The following IQUB variants were observed in gnomAD, a reference collection of about 807,000 sequenced individuals.
IQUB encodes the protein IQ motif and ubiquitin-like domain-containing protein.
IQUB carries 86 observed loss-of-function variants against 86.4 expected under a neutral mutation model. The observed-to-expected ratio is 1.00, with a 90% CI of 0.84 to 1.19. The LOEUF is 1.19. Ranked by LOEUF, IQUB falls within the 50% of genes most tolerant of loss-of-function variation. The pLI is 0.00. For synonymous variants in IQUB, 289 were observed against 304.5 expected (o/e 0.95, Z 0.53); for missense variants, 946 against 916.9 (o/e 1.03, Z -0.41).
chr7:123,453,325 T>TAAAAA (rs1313478236), intron 12 of IQUB, among the ~76,000 whole-genome samples: 23 of 143,646 alleles, frequency 1.6e-4, no homozygotes, highest in Non-Finnish European at 2.1e-4. Context: ...AAAACAAAAA[T>TAAAAA]AAAAACAAAA....
intron 10 of IQUB, among the ~76,000 whole-genome samples, chr7:123,464,013 A>AAAT (rs1794127763): frequency 6.6e-6 from 1 of 151,754 alleles, no homozygotes; most frequent in African/African-American, 2.4e-5. Context: ...AAAAATATAA[A>AAAT]AATTAAACAA....
intron 2 of IQUB, among the ~76,000 whole-genome samples, chr7:123,510,296 A>T (rs901513168): frequency 2.0e-5 from 3 of 152,122 alleles, no homozygotes; most frequent in African/African-American, 7.2e-5. Context: ...CCTGGTATGT[A>T]TCATTCAGAT....
At chr7:123,469,157 T>G in intron 9 of IQUB, 57 bp downstream of exon 9, 1 of 1,176,310 alleles carries the variant, frequency 8.5e-7, no homozygotes, top group Non-Finnish European at 1.1e-6. Flanking sequence ...AGTATTTCAT[T>G]AATTTTTTTT....
chr7:123,489,604 T>C (rs954944305), intron 7 of IQUB, among the ~76,000 whole-genome samples: 1 of 151,894 alleles, frequency 6.6e-6, no homozygotes, highest in Admixed American at 6.6e-5. Flanking sequence ...ATTATGTTGA[T>C]ATTTTTTCAT....
intron 7 of IQUB, among the ~76,000 whole-genome samples, chr7:123,488,634 A>G (rs1263406566): frequency 2.6e-5 from 4 of 152,212 alleles, no homozygotes; most frequent in African/African-American, 9.6e-5. Flanking sequence ...GGAAACTCAA[A>G]GAGTCTACCT....
At chr7:123,486,747 A>G (rs185510736) in intron 7 of IQUB, among the ~76,000 whole-genome samples, 1 of 152,318 alleles carries the variant, frequency 6.6e-6, no homozygotes, top group Admixed American at 6.5e-5. Context: ...TCCTAGGACT[A>G]CACTATACTC....
At chr7:123,478,691 G>C (rs1217779540) in intron 8 of IQUB, among the ~76,000 whole-genome samples, 1 of 152,082 alleles carries the variant, frequency 6.6e-6, no homozygotes. Context: ...AGAATAAACA[G>C]GTTGGTGGCT....
At chr7:123,459,466 A>G (rs1016573170) in intron 11 of IQUB, among the ~76,000 whole-genome samples, 4 of 151,956 alleles carry the variant, frequency 2.6e-5, no homozygotes, top group Non-Finnish European at 4.4e-5. Flanking sequence ...CCTGTCCCCA[A>G]GTAAGGAAGA....
chr7:123,461,760 T>C (rs1794000427), intron 10 of IQUB, 155 bp from the exon 11 acceptor site: 1 of 609,820 alleles, frequency 1.6e-6, no homozygotes, highest in African/African-American at 1.9e-5. Flanking sequence ...TATTTTTCCC[T>C]GAACTTCTTA....
intron 1 of IQUB, among the ~76,000 whole-genome samples, chr7:123,516,503 G>C (rs1489800921): frequency 6.6e-6 from 1 of 152,154 alleles, no homozygotes; most frequent in African/African-American, 2.4e-5. Flanking sequence ...GAAAGAGGAA[G>C]AGGAGGATGA....
intron 6 of IQUB, among the ~76,000 whole-genome samples, chr7:123,498,311 G>A (rs1005685216): frequency 1.3e-5 from 2 of 151,962 alleles, no homozygotes; most frequent in African/African-American, 2.4e-5. Flanking sequence ...ATATATTCAT[G>A]AGCCCTCCAG....
chr7:123,515,995 G>A (rs1437123648), intron 1 of IQUB, among the ~76,000 whole-genome samples: 1 of 152,186 alleles, frequency 6.6e-6, no homozygotes, highest in African/African-American at 2.4e-5. Context: ...TGTGGTAGTG[G>A]TTATGCAAAC....
At chr7:123,532,285 G>GA (rs1414188090) in intron 1 of IQUB, 5 of 151,942 alleles carry the variant, frequency 3.3e-5, no homozygotes, top group African/African-American at 1.2e-4. Context: ...TAAATATTAG[G>GA]CGTTCATTTA....
chr7:123,474,625 C>T (rs1361972657), intron 8 of IQUB, among the ~76,000 whole-genome samples: 1 of 152,120 alleles, frequency 6.6e-6, no homozygotes, highest in East Asian at 1.9e-4. Context: ...TTCACTATAG[C>T]AGGCTAAAAG....
chr7:123,517,554 A>G lies in IQUB; in HGVS notation c.-4-5210T>C, dbSNP rs982573533. Among the ~76,000 whole-genome samples the G allele has an allele frequency of 3.5e-4, 53 of 150,270 alleles. No individual in the cohort carries two copies. The East Asian group carries it at 8.6e-3, about 24-fold the overall frequency. On this transcript the variant is annotated intron_variant, in intron 1 of 12. Transcript: ENST00000324698. ...TCAAAAAAAAAAAAAAAAAAAAAAA[A>G]AAAGAAAGAGACCCTATATCTTTTA...
rs1176355186 is a variant in IQUB, at chr7:123,516,697, G to C, written c.-4-4353C>G. On this transcript the variant is annotated intron_variant, in intron 1 of 12. Transcript: ENST00000324698. The stretch of plus-strand genomic sequence containing the variant: ...GGGCAAGGTGAGTAGGAAGTAGCCA[G>C]AACAAGGGTGGGCTCCAGAATTCTC... Among the ~76,000 whole-genome samples the C allele has an allele frequency of 3.9e-5, 6 of 152,118 alleles. No individual in the cohort carries two copies. In the East Asian group the frequency reaches 1.2e-3, roughly 29 times the overall value.
At chr7:123,509,635 C>CATCTTCTTCA (rs1796331272) in intron 3 of IQUB, among the ~76,000 whole-genome samples, 1 of 152,176 alleles carries the variant, frequency 6.6e-6, no homozygotes, top group South Asian at 2.1e-4. Context: ...TACATGGTAG[C>CATCTTCTTCA]TACTGCATGC....
At chr7:123,452,999 G>T in intron 12 of IQUB, 74 bp from the exon 13 acceptor site, 1 of 1,124,828 alleles carries the variant, frequency 8.9e-7, no homozygotes, top group Non-Finnish European at 1.3e-6. Context: ...GTCATGCCTC[G>T]GTGCCTTTGC....
rs936450736 is a variant in IQUB, at chr7:123,452,689, A to G, written c.*54T>C. The G allele has an allele frequency of 8.2e-7, 1 of 1,217,804 alleles. No homozygotes were observed. The highest frequency in any genetic ancestry group is 1.2e-6 in the Non-Finnish European group (1 of 845,808). The allele number at this position is 1,217,804 out of a possible 1,614,324, so 75.4% of individuals were successfully genotyped here. A position where few individuals can be genotyped will look rare whatever the true frequency, so the allele number is the denominator to read the frequency against. ...TTCCATACTCTGTGACCTCTGTATT[A>G]CCCTATTAGCAGTGAACAAAATGCC... On this transcript the variant is annotated 3_prime_UTR_variant, in exon 13 of 13. Transcript: ENST00000324698.
Sources: gnomAD v4.1 joint callset for allele counts (sites outside exome capture counted in the v4.1 genomes callset) on GRCh38, gnomAD v4.1.1 for gene constraint, MANE v1.5 for transcripts, NCBI Gene and HGNC (gene_info 2026-07-23, HGNC 2026-07-21) for gene names.